Variants in FOXN3 observed in about 807,000 individuals in gnomAD.
FOXN3 encodes the protein forkhead box protein N3.
FOXN3 carries 7 observed loss-of-function variants against 38.4 expected under a neutral mutation model. That is an observed-to-expected ratio of 0.18 (90% CI 0.10 to 0.34). FOXN3 has a LOEUF of 0.34. FOXN3 is among the 10% of genes least tolerant of loss of function. FOXN3 has a pLI of 1.00. For synonymous variants in FOXN3, 230 were observed against 242.2 expected, an observed-to-expected ratio of 0.95 and a Z score of 0.47; for missense variants, 456 against 613.4, an observed-to-expected ratio of 0.74 and a Z score of 2.71.
At chr14:89,276,309 A>G (rs1886298834) in intron 4 of FOXN3, among the ~76,000 whole-genome samples, 1 of 152,226 alleles carries the variant, frequency 6.6e-6, no homozygotes, top group African/African-American at 2.4e-5. Context: ...AACAACCAAC[A>G]GAAGTGAATG....
chr14:89,329,381 T>C (rs1888171337), intron 3 of FOXN3, among the ~76,000 whole-genome samples: 1 of 152,134 alleles, frequency 6.6e-6, no homozygotes, highest in Admixed American at 6.5e-5. Flanking sequence ...GGATTTGGGG[T>C]GTGCCAGTGG....
At chr14:89,557,921 A>C (rs1895163092) in intron 1 of FOXN3, among the ~76,000 whole-genome samples, 1 of 152,040 alleles carries the variant, frequency 6.6e-6, no homozygotes, top group African/African-American at 2.4e-5. Context: ...CAGGAGAATC[A>C]CTTGAACCAG....
At chr14:89,259,992 T>C (rs918501367) in intron 4 of FOXN3, among the ~76,000 whole-genome samples, 1 of 152,242 alleles carries the variant, frequency 6.6e-6, no homozygotes, top group African/African-American at 2.4e-5. Context: ...CTGGTCCTTA[T>C]GGAACTGATC....
At chr14:89,332,898 C>T (rs535027748) in intron 3 of FOXN3, among the ~76,000 whole-genome samples, 1 of 152,122 alleles carries the variant, frequency 6.6e-6, no homozygotes, top group Non-Finnish European at 1.5e-5. Flanking sequence ...CCACAAATAA[C>T]CCAGTTTAAA....
chr14:89,437,191 C>CA (rs367743406), intron 1 of FOXN3, among the ~76,000 whole-genome samples: 148 of 77,904 alleles, frequency 1.9e-3, no homozygotes, highest in South Asian at 4.2e-3. Context: ...CAAAACAAAA[C>CA]AAAAAAAAAC....
chr14:89,598,228 T>C (rs920740621), intron 1 of FOXN3, among the ~76,000 whole-genome samples: 17 of 152,176 alleles, frequency 1.1e-4, no homozygotes, highest in African/African-American at 4.1e-4. Flanking sequence ...CCATGTATGT[T>C]ATTCCCTACA....
At chr14:89,357,508 T>C (rs1344825612) in intron 2 of FOXN3, among the ~76,000 whole-genome samples, 1 of 151,422 alleles carries the variant, frequency 6.6e-6, no homozygotes, top group Non-Finnish European at 1.5e-5. Flanking sequence ...CTTGGGAGCC[T>C]GAGGCAAGAG....
chr14:89,285,685 C>T (rs1482203314), intron 3 of FOXN3, among the ~76,000 whole-genome samples: 1 of 151,958 alleles, frequency 6.6e-6, no homozygotes, highest in Non-Finnish European at 1.5e-5. Flanking sequence ...AATGGAATGA[C>T]GGTTGCTAGA....
chr14:89,366,677 A>G (rs1433013251), intron 2 of FOXN3, among the ~76,000 whole-genome samples: 1 of 152,222 alleles, frequency 6.6e-6, no homozygotes, highest in East Asian at 1.9e-4. Flanking sequence ...TGGAGGGGGC[A>G]GCTGACAGCC....
At chr14:89,226,571 T>C (rs1464159887) in intron 4 of FOXN3, among the ~76,000 whole-genome samples, 3 of 152,030 alleles carry the variant, frequency 2.0e-5, no homozygotes, top group Non-Finnish European at 4.4e-5. Context: ...CTCGCTAGAG[T>C]AGTATGACTA....
At chr14:89,325,302 C>T (rs1888032224) in intron 3 of FOXN3, among the ~76,000 whole-genome samples, 39 of 138,444 alleles carry the variant, frequency 2.8e-4, no homozygotes, top group East Asian at 6.4e-4. Context: ...CCAACACCAA[C>T]ACCACCACCA....
intron 4 of FOXN3, among the ~76,000 whole-genome samples, chr14:89,232,533 G>A (rs542080556): frequency 2.6e-5 from 4 of 152,320 alleles, no homozygotes; most frequent in African/African-American, 7.2e-5. Flanking sequence ...AACTGTCTCC[G>A]TGCCTACGCG....
At chr14:89,531,139 T>G (rs922169915) in intron 1 of FOXN3, among the ~76,000 whole-genome samples, 2 of 149,314 alleles carry the variant, frequency 1.3e-5, no homozygotes, top group African/African-American at 4.9e-5. Flanking sequence ...TACACATATA[T>G]GTATTATATA....
chr14:89,220,056 G>C (rs1475570789), intron 4 of FOXN3, among the ~76,000 whole-genome samples: 1 of 152,096 alleles, frequency 6.6e-6, no homozygotes, highest in Middle Eastern at 3.2e-3. Context: ...TGTTTGCTTT[G>C]CTCCATTTTG....
intron 4 of FOXN3, among the ~76,000 whole-genome samples, chr14:89,220,448 T>C (rs1884428046): frequency 6.6e-6 from 1 of 152,192 alleles, no homozygotes; most frequent in South Asian, 2.1e-4. Flanking sequence ...ATCTAAATGA[T>C]ACAACTAAAG....
chr14:89,457,300 G>A (rs369118780), intron 1 of FOXN3, among the ~76,000 whole-genome samples: 139 of 152,322 alleles, frequency 9.1e-4, no homozygotes, highest in African/African-American at 3.2e-3. Flanking sequence ...AGAACAAGCA[G>A]GTGTGCAAGC....
intron 4 of FOXN3, among the ~76,000 whole-genome samples, chr14:89,249,293 C>T (rs1382415623): frequency 6.6e-6 from 1 of 152,174 alleles, no homozygotes; most frequent in Non-Finnish European, 1.5e-5. Context: ...TCTTCTCCAT[C>T]CTCCTTTCCA....
intron 1 of FOXN3, among the ~76,000 whole-genome samples, chr14:89,434,323 A>C (rs941740359): frequency 2.7e-5 from 4 of 146,390 alleles, no homozygotes; most frequent in Non-Finnish European, 6.0e-5. Flanking sequence ...CACCTCCCGG[A>C]TTCAAGTGAT....
intron 4 of FOXN3, among the ~76,000 whole-genome samples, chr14:89,183,325 A>G (rs2139799253): frequency 6.6e-6 from 1 of 152,376 alleles, no homozygotes; most frequent in South Asian, 2.1e-4. Context: ...GAAATATTTA[A>G]AATCTCTAAT....
Sources: allele counts gnomAD v4.1 joint callset (sites outside exome capture counted in the v4.1 genomes callset), GRCh38; gene constraint gnomAD v4.1.1; transcripts MANE v1.5; gene names NCBI Gene and HGNC (gene_info 2026-07-23, HGNC 2026-07-21).